SGSM1: variants seen among roughly 807,000 people sequenced by gnomAD.
SGSM1 encodes small G protein signaling modulator 1, also known as RUN and TBC1 domain containing 2.
Under a neutral mutation model 133.8 loss-of-function variants are expected in SGSM1, and 73 were observed. The ratio of observed to expected loss-of-function variants is 0.55; its 90% confidence interval spans 0.45 to 0.66. The LOEUF is 0.66. SGSM1 is among the 30% of genes least tolerant of loss of function. SGSM1 has a pLI of 0.00. For missense variants in SGSM1, 1,213 were observed against 1,448.1 expected, an observed-to-expected ratio of 0.84 and a Z score of 2.64; for synonymous variants, 563 against 573.0, an observed-to-expected ratio of 0.98 and a Z score of 0.25.
chr22:24,870,854 T>A (rs905461490), intron 12 of SGSM1, among the ~76,000 whole-genome samples: 2 of 152,192 alleles, frequency 1.3e-5, no homozygotes, highest in Non-Finnish European at 2.9e-5. Flanking sequence ...CTCCCAGAGC[T>A]TCCATGGGAG....
intron 16 of SGSM1, among the ~76,000 whole-genome samples, chr22:24,887,006 A>G (rs1300742197): frequency 6.6e-6 from 1 of 152,182 alleles, no homozygotes; most frequent in Admixed American, 6.5e-5. Context: ...TGATGGTAAT[A>G]TCTTGTAAAA....
chr22:24,833,137 G>A (rs930685745), intron 2 of SGSM1, among the ~76,000 whole-genome samples: 19 of 151,660 alleles, frequency 1.3e-4, no homozygotes, highest in African/African-American at 4.6e-4. Flanking sequence ...GTTTCACCAT[G>A]TTGGCCAGGC....
intron 10 of SGSM1, among the ~76,000 whole-genome samples, chr22:24,867,927 G>A (rs1931546172): frequency 6.6e-6 from 1 of 152,168 alleles, no homozygotes; most frequent in Non-Finnish European, 1.5e-5. Context: ...GATATTGTGA[G>A]TATTTCAATA....
At chr22:24,826,715 T>C (rs988728204) in intron 2 of SGSM1, among the ~76,000 whole-genome samples, 7 of 152,028 alleles carry the variant, frequency 4.6e-5, no homozygotes, top group Non-Finnish European at 1.0e-4. Context: ...TTAGACAAGG[T>C]GATCAGGGAG....
At chr22:24,895,619 C>G (rs150740316) in intron 18 of SGSM1, among the ~76,000 whole-genome samples, 1 of 152,124 alleles carries the variant, frequency 6.6e-6, no homozygotes, top group African/African-American at 2.4e-5. Flanking sequence ...TATACATACA[C>G]AGAAATATAT....
At chr22:24,909,617 G>A (rs188105333) in intron 21 of SGSM1, among the ~76,000 whole-genome samples, 19 of 152,036 alleles carry the variant, frequency 1.2e-4, no homozygotes, top group African/African-American at 4.3e-4. Context: ...CACCACATCT[G>A]GCTAATTTTT....
chr22:24,816,390 T>G (rs1249044281), intron 2 of SGSM1, among the ~76,000 whole-genome samples: 1 of 149,742 alleles, frequency 6.7e-6, no homozygotes, highest in Non-Finnish European at 1.5e-5. Flanking sequence ...AAAGTGAAGC[T>G]AAAAAATTGA....
chr22:24,877,034 A>G (rs1186112315), intron 13 of SGSM1, among the ~76,000 whole-genome samples: 1 of 152,150 alleles, frequency 6.6e-6, no homozygotes, highest in Admixed American at 6.5e-5. Context: ...GGCCTGGGTG[A>G]TGGAGCAGCT....
In SGSM1 at chr22:24,919,997, C is replaced by T. The variant is rs1205254129; in HGVS notation, c.3193+4C>T. 1.9e-6 allele frequency: 3 copies of T among 1,590,812 alleles called. No individual in the cohort carries two copies. Among genetic ancestry groups the T allele is most frequent in the Admixed American group, 1.8e-5 (1 of 55,622 alleles). On this transcript the variant is annotated splice_donor_region_variant and intron_variant, in intron 24 of 24. Coordinates refer to ENST00000400358, the MANE Select transcript of SGSM1 (RefSeq NM_001098497.3). The stretch of plus-strand genomic sequence containing the variant: ...GACATCATCAAATTCTTTAATGGTA[C>T]CCACATGACTGGGGCCTCATGAGAG...
chr22:24,906,349 G>A (rs1933380066), intron 21 of SGSM1, among the ~76,000 whole-genome samples: 1 of 152,180 alleles, frequency 6.6e-6, no homozygotes, highest in Admixed American at 6.5e-5. Flanking sequence ...AGCAGGAACA[G>A]GACAAGTATG....
chr22:24,917,688 C>T lies in SGSM1; in HGVS notation c.2959C>T (p.His987Tyr). 6.2e-7 allele frequency: 1 copy of T among 1,613,938 alleles called. No homozygotes were observed. The highest frequency in any genetic ancestry group is 8.5e-7 in the Non-Finnish European group (1 of 1,179,934). ...GGACTCAGAGCTGTTTGAGCTGATG[C>T]ATCAGAACGGGGACTATACTCACTT... Reference protein sequence around the residue: ...ILDSELFELMHQNGDYTHFYF... With the variant: ...ILDSELFELMYQNGDYTHFYF... The change falls in exon 23 of 25, where the codon CAT becomes TAT. Residue 987 changes from histidine to tyrosine, a missense_variant. Physicochemically the swap from His to Tyr is moderately conservative, Grantham distance 83. Transcript: ENST00000400358.
chr22:24,921,809 C>T (rs1436405103), intron 24 of SGSM1, among the ~76,000 whole-genome samples: 1 of 151,812 alleles, frequency 6.6e-6, no homozygotes, highest in Non-Finnish European at 1.5e-5. Context: ...AAGTGATTCT[C>T]CTGCCTCAGC....
intron 17 of SGSM1, among the ~76,000 whole-genome samples, chr22:24,894,291 G>A (rs1265851794): frequency 6.6e-6 from 1 of 152,182 alleles, no homozygotes; most frequent in African/African-American, 2.4e-5. Context: ...TACTTGAGAG[G>A]CCGAGGCAGG....
At chr22:24,892,885 A>C (rs1285797960) in intron 16 of SGSM1, among the ~76,000 whole-genome samples, 2 of 49,402 alleles carry the variant, frequency 4.0e-5, no homozygotes, top group Non-Finnish European at 5.8e-5. Flanking sequence ...CGTCTCTACT[A>C]AAAAAAAAAA....
At chr22:24,902,803 C>G (rs929907346) in intron 20 of SGSM1, among the ~76,000 whole-genome samples, 4 of 152,064 alleles carry the variant, frequency 2.6e-5, no homozygotes, top group African/African-American at 9.7e-5. Context: ...CTTTGGGAGG[C>G]CAAGGCAGGA....
chr22:24,834,968 G>C (rs1929342166), intron 2 of SGSM1, among the ~76,000 whole-genome samples: 1 of 152,016 alleles, frequency 6.6e-6, no homozygotes, highest in East Asian at 1.9e-4. Flanking sequence ...AGGTAGGCTG[G>C]AGAGAGCTTT....
At chr22:24,900,546 C>T (rs78303819) in intron 19 of SGSM1, among the ~76,000 whole-genome samples, 6 of 151,854 alleles carry the variant, frequency 4.0e-5, no homozygotes, top group African/African-American at 9.7e-5. Context: ...ATTACAAGCA[C>T]GCACCCACGC....
At chr22:24,847,580 G>T in intron 3 of SGSM1, 54 bp from the exon 4 acceptor site, 1 of 1,577,246 alleles carries the variant, frequency 6.3e-7, no homozygotes, top group East Asian at 2.3e-5. Context: ...GGGACATGCT[G>T]GGTGCTGGAG....
At chr22:24,860,907 AAAAAAAAAAAAAAAAATATATATATAT>A (rs999292959) in intron 9 of SGSM1, among the ~76,000 whole-genome samples, 2 of 93,842 alleles carry the variant, frequency 2.1e-5, no homozygotes, top group African/African-American at 1.1e-4. Context: ...TAAAAAAAAA[AAAAAAAAAAAAAAAAATATATATATAT>A]ATATATATAT....
Sources: gnomAD v4.1 joint callset for allele counts (sites outside exome capture counted in the v4.1 genomes callset) on GRCh38, gnomAD v4.1.1 for gene constraint, MANE v1.5 for transcripts, NCBI Gene and HGNC (gene_info 2026-07-23, HGNC 2026-07-21) for gene names.